SAMD5: variants seen among roughly 807,000 people sequenced by gnomAD.
The protein encoded by SAMD5 is sterile alpha motif domain-containing protein 5.
SAMD5 carries 13 observed loss-of-function variants against 11.3 expected under a neutral mutation model. The ratio of observed to expected loss-of-function variants is 1.15; its 90% CI spans 0.75 to 1.83. The LOEUF (loss-of-function observed/expected upper bound fraction) is 1.83, where lower values mean the gene tolerates loss of function less well. SAMD5 is among the 40% of genes most tolerant of loss of function. The pLI is 0.00. For synonymous variants in SAMD5, 129 were observed against 111.3 expected (o/e 1.16, Z -1.00); for missense variants, 255 against 239.1 (o/e 1.07, Z -0.44).
intron 1 of SAMD5, among the ~76,000 whole-genome samples, chr6:147,539,679 A>G (rs1030210482): frequency 1.3e-5 from 2 of 151,188 alleles, no homozygotes; most frequent in Non-Finnish European, 2.9e-5. Flanking sequence ...GACCTCTTAC[A>G]TGTGTGTTAA....
chr6:147,938,557 G>A, the SAMD5 span, among the ~76,000 whole-genome samples: 2 of 152,158 alleles, frequency 1.3e-5, no homozygotes, highest in African/African-American at 4.8e-5. Context: ...ATCCTCATTC[G>A]CTGGGCTGAG....
chr6:147,602,203 G>T (rs550625725), intron 1 of SAMD5, among the ~76,000 whole-genome samples: 1 of 152,266 alleles, frequency 6.6e-6, no homozygotes, highest in South Asian at 2.1e-4. Context: ...TCCCATTTGG[G>T]TTGGACAGGC....
At chr6:147,802,216 C>CA in the SAMD5 span, among the ~76,000 whole-genome samples, 106 of 152,072 alleles carry the variant, frequency 7.0e-4, 4 homozygotes, top group South Asian at 0.021. Flanking sequence ...TGTACAAAGA[C>CA]AAAATACCTG....
At chr6:147,915,009 A>T in the SAMD5 span, among the ~76,000 whole-genome samples, 2 of 152,222 alleles carry the variant, frequency 1.3e-5, no homozygotes, top group African/African-American at 2.4e-5. Flanking sequence ...CAGACTAAAG[A>T]GACATGAGAA....
chr6:147,558,784 T>C (rs886283972), intron 1 of SAMD5, among the ~76,000 whole-genome samples: 1 of 151,920 alleles, frequency 6.6e-6, no homozygotes, highest in Non-Finnish European at 1.5e-5. Context: ...ATTACCCCAC[T>C]CCCCTTTAAG....
chr6:147,751,508 C>T, the SAMD5 span, among the ~76,000 whole-genome samples: 1 of 152,160 alleles, frequency 6.6e-6, no homozygotes, highest in African/African-American at 2.4e-5. Context: ...GAGTTTACAA[C>T]AGGGATCCAA....
chr6:147,744,942 A>C, the SAMD5 span, among the ~76,000 whole-genome samples: 1 of 89,044 alleles, frequency 1.1e-5, no homozygotes, highest in Admixed American at 1.1e-4. Flanking sequence ...AAAGAGACCC[A>C]GCAATCACCG....
At chr6:147,920,957 T>A in the SAMD5 span, among the ~76,000 whole-genome samples, 4 of 152,208 alleles carry the variant, frequency 2.6e-5, no homozygotes, top group African/African-American at 9.7e-5. Flanking sequence ...ACAATTATTT[T>A]ACAAATAGAG....
intron 1 of SAMD5, among the ~76,000 whole-genome samples, chr6:147,619,662 CT>C (rs1036146861): frequency 6.6e-6 from 1 of 152,184 alleles, no homozygotes; most frequent in African/African-American, 2.4e-5. Flanking sequence ...TTCAGAAATT[CT>C]TTGGAAACAG....
the SAMD5 span, among the ~76,000 whole-genome samples, chr6:147,812,535 GT>G: frequency 5.9e-4 from 89 of 150,142 alleles, no homozygotes; most frequent in Middle Eastern, 3.4e-3. Flanking sequence ...AGGCAATCTA[GT>G]TTTTTTTTTA....
Position 147,686,499 on chromosome 6 carries a change from G to A in SAMD5, c.163-50818G>A, listed in dbSNP as rs368497192. On this transcript the variant is annotated intron_variant, in intron 1 of 1. Transcript: ENST00000566741. ...CTTTTCCCCATATGGATATCCAGTT[G>A]ACCTAGTCTCATGTATTTAAAAGAT... 2.2e-4 allele frequency among the ~76,000 whole-genome samples: 34 copies of A among 152,206 alleles called. No individual in the cohort carries two copies. The South Asian group carries it at 6.8e-3, about 31-fold the overall frequency.
intron 1 of SAMD5, among the ~76,000 whole-genome samples, chr6:147,616,382 A>G (rs1046079473): frequency 1.3e-5 from 2 of 151,352 alleles, no homozygotes; most frequent in African/African-American, 2.4e-5. Flanking sequence ...GGTCTGGCAT[A>G]TAATAGGTGC....
intron 1 of SAMD5, among the ~76,000 whole-genome samples, chr6:147,526,332 G>T (rs577564642): frequency 2.6e-5 from 4 of 152,198 alleles, no homozygotes; most frequent in Admixed American, 6.5e-5. Flanking sequence ...CACTGTTGGG[G>T]TGATGCGGGG....
At chr6:147,561,265 G>C (rs1788944285) in intron 1 of SAMD5, among the ~76,000 whole-genome samples, 2 of 152,160 alleles carry the variant, frequency 1.3e-5, no homozygotes, top group Non-Finnish European at 2.9e-5. Context: ...TCGGCTCACT[G>C]CAACCTCCAG....
At chr6:147,591,706 G>A (rs1188577275) in intron 1 of SAMD5, among the ~76,000 whole-genome samples, 1 of 152,036 alleles carries the variant, frequency 6.6e-6, no homozygotes, top group Non-Finnish European at 1.5e-5. Flanking sequence ...TTAGAAATAG[G>A]GGATTTTCAC....
intron 1 of SAMD5, among the ~76,000 whole-genome samples, chr6:147,610,851 C>T (rs111535644): frequency 0.018 from 2,644 of 148,648 alleles, 70 homozygotes; most frequent in African/African-American, 0.055. Context: ...ATAAAATCAA[C>T]AGGATTAATA....
the SAMD5 span, chr6:147,953,513 C>T: frequency 6.6e-6 from 1 of 152,270 alleles, no homozygotes; most frequent in East Asian, 1.9e-4. Context: ...CTTCCTATTG[C>T]ATCAAACTGA....
At chr6:147,801,426 C>T in the SAMD5 span, among the ~76,000 whole-genome samples, 1 of 152,114 alleles carries the variant, frequency 6.6e-6, no homozygotes, top group South Asian at 2.1e-4. Flanking sequence ...ATTGAAAACC[C>T]TGTATTAGAA....
At chr6:147,863,168 A>G in the SAMD5 span, among the ~76,000 whole-genome samples, 1 of 152,200 alleles carries the variant, frequency 6.6e-6, no homozygotes, top group Non-Finnish European at 1.5e-5. Context: ...TTCAGAAGCA[A>G]TATTTCTTGA....
Sources: gnomAD v4.1 joint callset for allele counts (sites outside exome capture counted in the v4.1 genomes callset) on GRCh38, gnomAD v4.1.1 for gene constraint, MANE v1.5 for transcripts, NCBI Gene and HGNC (gene_info 2026-07-23, HGNC 2026-07-21) for gene names.